The following ADK variants were observed in gnomAD, a reference collection of about 807,000 sequenced individuals.
ADK encodes N6,N6-dimethyladenosine kinase.
In ADK, 24 loss-of-function variants were observed where a neutral mutation model predicts 44.7. That is an observed-to-expected ratio of 0.54 (90% confidence interval 0.39 to 0.76). The LOEUF is 0.76. Ranked by LOEUF, ADK falls within the 30% of genes least tolerant of loss-of-function variation. The pLI, the probability that ADK is intolerant of heterozygous loss-of-function variation, is 0.00. For missense variants in ADK, 321 were observed against 425.1 expected, an observed-to-expected ratio of 0.76 and a Z score of 2.15; for synonymous variants, 128 against 142.6, an observed-to-expected ratio of 0.90 and a Z score of 0.73.
chr10:74,691,307 G>T (rs1855980390), intron 10 of ADK, among the ~76,000 whole-genome samples: 1 of 152,198 alleles, frequency 6.6e-6, no homozygotes, highest in African/African-American at 2.4e-5. Context: ...AGTACTGTTA[G>T]TTGCTGTAAA....
intron 2 of ADK, among the ~76,000 whole-genome samples, chr10:74,215,196 T>C (rs1274979475): frequency 6.6e-6 from 1 of 152,246 alleles, no homozygotes; most frequent in Admixed American, 6.5e-5. Flanking sequence ...TTAGGAACTA[T>C]GTTCATGGTA....
intron 3 of ADK, among the ~76,000 whole-genome samples, chr10:74,226,592 C>A (rs913613557): frequency 6.6e-6 from 1 of 151,696 alleles, no homozygotes; most frequent in East Asian, 1.9e-4. Flanking sequence ...ATATGCTTCT[C>A]TCTAAATATT....
chr10:74,471,741 G>C (rs1846598555), intron 6 of ADK, among the ~76,000 whole-genome samples: 1 of 151,976 alleles, frequency 6.6e-6, no homozygotes, highest in Non-Finnish European at 1.5e-5. Flanking sequence ...TTACTCATAA[G>C]TATTTTATTC....
chr10:74,369,280 C>T (rs928360014), intron 4 of ADK, among the ~76,000 whole-genome samples: 3 of 152,036 alleles, frequency 2.0e-5, no homozygotes, highest in East Asian at 3.9e-4. Context: ...TATTTGAGAC[C>T]GGGAGGTAGA....
intron 1 of ADK, among the ~76,000 whole-genome samples, chr10:74,180,589 G>A (rs1372045772): frequency 6.7e-6 from 1 of 150,350 alleles, no homozygotes; most frequent in East Asian, 1.9e-4. Flanking sequence ...CTCTCTAGTA[G>A]CTGGGACTAC....
chr10:74,356,835 A>G (rs935283117), intron 4 of ADK, among the ~76,000 whole-genome samples: 5 of 152,196 alleles, frequency 3.3e-5, no homozygotes, highest in African/African-American at 1.2e-4. Context: ...AAGGAGAGGC[A>G]TTTACAGTGC....
chr10:74,369,661 A>G (rs1162088095), intron 4 of ADK, among the ~76,000 whole-genome samples: 1 of 152,178 alleles, frequency 6.6e-6, no homozygotes, highest in African/African-American at 2.4e-5. Flanking sequence ...ATTAGCATCT[A>G]TAAGGAACCA....
chr10:74,632,294 C>A (rs999361656), intron 9 of ADK, among the ~76,000 whole-genome samples: 4 of 152,130 alleles, frequency 2.6e-5, no homozygotes, highest in African/African-American at 9.7e-5. Context: ...TTTTTTACTT[C>A]TTTTTATTGC....
At chr10:74,456,696 C>T (rs1440844095) in intron 6 of ADK, among the ~76,000 whole-genome samples, 1 of 146,534 alleles carries the variant, frequency 6.8e-6, no homozygotes, top group African/African-American at 2.5e-5. Context: ...AAAAACCTCA[C>T]TGAAAACCAC....
chr10:74,322,424 T>C (rs1208204633), intron 4 of ADK, among the ~76,000 whole-genome samples: 1 of 152,226 alleles, frequency 6.6e-6, no homozygotes, highest in Non-Finnish European at 1.5e-5. Context: ...ATGAATAATT[T>C]TAAGTAACAC....
chr10:74,302,126 T>G lies in ADK; in HGVS notation c.195-12541T>G, dbSNP rs1435845159. On this transcript the variant is annotated intron_variant, in intron 3 of 10. Transcript: ENST00000539909. ...GTTTGTTTGTTTTTTTTTTTTTTTT[T>G]TTTTTTTTTTTTTTTTTTTTGAGAT... Among the ~76,000 whole-genome samples the G allele has an allele frequency of 1.6e-3, 174 of 112,084 alleles. 8 individuals are homozygous for G. The highest frequency in any genetic ancestry group is 3.1e-3 in the African/African-American group (84 of 26,972). 73.5% of individuals were successfully genotyped at this position (112,084 alleles called of 152,430 possible).
intron 3 of ADK, among the ~76,000 whole-genome samples, chr10:74,265,701 C>T (rs1366830528): frequency 6.6e-6 from 1 of 152,122 alleles, no homozygotes; most frequent in African/African-American, 2.4e-5. Flanking sequence ...CTTTTAATGC[C>T]ATTTGTTTTC....
chr10:74,167,213 C>G (rs980525505), intron 1 of ADK, among the ~76,000 whole-genome samples: 1 of 152,050 alleles, frequency 6.6e-6, no homozygotes, highest in Non-Finnish European at 1.5e-5. Flanking sequence ...CACTATGTTG[C>G]CCAGGCTGGT....
chr10:74,472,846 C>T (rs1264478041), intron 6 of ADK, among the ~76,000 whole-genome samples: 1 of 152,024 alleles, frequency 6.6e-6, no homozygotes, highest in African/African-American at 2.4e-5. Context: ...TGTCTTTTTC[C>T]ACATGCCAGC....
intron 8 of ADK, among the ~76,000 whole-genome samples, chr10:74,589,622 G>A (rs1851648585): frequency 6.6e-6 from 1 of 152,190 alleles, no homozygotes; most frequent in South Asian, 2.1e-4. Flanking sequence ...CTGTCAGTTT[G>A]TTCAGTTAAA....
At chr10:74,195,966 T>C (rs1231194121) in intron 1 of ADK, among the ~76,000 whole-genome samples, 1 of 151,550 alleles carries the variant, frequency 6.6e-6, no homozygotes, top group Non-Finnish European at 1.5e-5. Context: ...TGTGAGCCAC[T>C]GTGCCCAGCC....
intron 4 of ADK, among the ~76,000 whole-genome samples, chr10:74,372,871 G>A (rs945310465): frequency 6.6e-6 from 1 of 152,026 alleles, no homozygotes; most frequent in Non-Finnish European, 1.5e-5. Flanking sequence ...GAAATTCAAG[G>A]GACCCAGTAT....
Position 74,553,009 on chromosome 10 carries a change from C to G in ADK, c.726+27583C>G, listed in dbSNP as rs77054015. On this transcript the variant is annotated intron_variant, in intron 7 of 10. Coordinates refer to ENST00000539909, the MANE Select transcript of ADK (RefSeq NM_006721.4). ...GCAGTGGGACCACACATTTGAAAAA[C>G]TGTATGGTAGTTTTTTATTTTTTTT... Among the ~76,000 whole-genome samples the G allele has an allele frequency of 2.8e-3, 418 of 151,698 alleles. 4 individuals carry two copies. Among genetic ancestry groups the G allele is most frequent in the African/African-American group, 9.7e-3 (401 of 41,144 alleles).
chr10:74,175,112 A>C (rs1564572436), intron 1 of ADK, among the ~76,000 whole-genome samples: 1 of 152,248 alleles, frequency 6.6e-6, no homozygotes, highest in Admixed American at 6.5e-5. Context: ...AAGGTAAAAA[A>C]GAGGCCAGGA....
Sources: allele counts gnomAD v4.1 joint callset (sites outside exome capture counted in the v4.1 genomes callset), GRCh38; gene constraint gnomAD v4.1.1; transcripts MANE v1.5; gene names NCBI Gene and HGNC (gene_info 2026-07-23, HGNC 2026-07-21).